TMEM259: variants seen among roughly 807,000 people sequenced by gnomAD.
The protein encoded by TMEM259 is membralin.
Under a neutral mutation model 46.7 loss-of-function variants are expected in TMEM259, and 26 were observed. The ratio of observed to expected loss-of-function variants is 0.56; its 90% confidence interval spans 0.41 to 0.77. TMEM259 has a LOEUF of 0.77. Among genes scored for constraint, TMEM259 ranks in the 30% least tolerant of loss-of-function variants. TMEM259 has a pLI of 0.00. For missense variants in TMEM259, 930 were observed against 900.5 expected (o/e 1.03, Z -0.42); for synonymous variants, 494 against 395.1 (o/e 1.25, Z -2.97).
At chr19:1,016,524 A>G (rs2039116167) in intron 1 of TMEM259, among the ~76,000 whole-genome samples, 1 of 152,350 alleles carries the variant, frequency 6.6e-6, no homozygotes, top group East Asian at 1.9e-4. Flanking sequence ...CAGGACAGCA[A>G]TGGACCCTGT....
At chr19:1,013,762 A>C in intron 2 of TMEM259, 1 of 276,030 alleles carries the variant, frequency 3.6e-6, no homozygotes, top group South Asian at 5.1e-5. Context: ...GCCCAAGGCC[A>C]CCACAAGCTG....
chr19:1,015,511 C>T (rs901462903), intron 1 of TMEM259, among the ~76,000 whole-genome samples: 1 of 152,194 alleles, frequency 6.6e-6, no homozygotes, highest in Non-Finnish European at 1.5e-5. Flanking sequence ...CACCGTCTGG[C>T]GGTTTGGCTG....
chr19:1,018,129 A>T (rs939725203), intron 1 of TMEM259, among the ~76,000 whole-genome samples: 1 of 152,186 alleles, frequency 6.6e-6, no homozygotes, highest in African/African-American at 2.4e-5. Flanking sequence ...CTGGGTCCAG[A>T]GCCCAACCGC....
intron 1 of TMEM259, among the ~76,000 whole-genome samples, chr19:1,015,852 T>C (rs1446824547): frequency 6.6e-6 from 1 of 152,028 alleles, no homozygotes; most frequent in East Asian, 1.9e-4. Flanking sequence ...TGGGGCCTCC[T>C]CTCCAGAACC....
intron 1 of TMEM259, among the ~76,000 whole-genome samples, chr19:1,015,334 T>A (rs2039073202): frequency 6.6e-6 from 1 of 151,994 alleles, no homozygotes; most frequent in Non-Finnish European, 1.5e-5. Flanking sequence ...TGGCATGGAG[T>A]GGGTGAGGCC....
Position 1,011,874 on chromosome 19 carries a change from C to A in TMEM259, c.942+18G>T, listed in dbSNP as rs2145570566. On this transcript the variant is annotated intron_variant, in intron 6 of 10. Transcript: ENST00000356663. ...GCTCCCGCCCGGCCAGCCCCCGCAC[C>A]CGCCCCGAGGCACTCACGAAGATGA... is the stretch of plus-strand genomic sequence containing the variant. 1 of 1,602,492 alleles carries A rather than the reference C, an allele frequency of 6.2e-7. No homozygotes were observed. Among genetic ancestry groups the A allele is most frequent in the Non-Finnish European group, 8.5e-7 (1 of 1,173,382 alleles).
At position 1,021,091 on chromosome 19, in the gene TMEM259, CT is replaced by C; in HGVS notation, c.-96del. The C allele has an allele frequency of 2.5e-6, 3 of 1,201,454 alleles. No homozygotes were observed. Among genetic ancestry groups the C allele is most frequent in the South Asian group, 4.6e-5 (2 of 43,458 alleles). 74.4% of individuals were successfully genotyped at this position (1,201,454 alleles called of 1,614,324 possible). A position where few individuals can be genotyped will look rare whatever the true frequency, so the allele number is the denominator to read the frequency against. ...TCGCAGCCGCCGCTCTCCTCACGGC[CT>C]CCCGGCCGCCGCCGCCATCTTCCGC... On this transcript the variant is annotated 5_prime_UTR_variant, in exon 1 of 11. An upstream open reading frame in the 5' UTR loses its in-frame stop. Transcript: ENST00000356663.
intron 1 of TMEM259, among the ~76,000 whole-genome samples, chr19:1,016,294 G>A (rs1054243204): frequency 2.4e-4 from 37 of 152,326 alleles, no homozygotes; most frequent in African/African-American, 8.2e-4. Flanking sequence ...GGGCAGCCCC[G>A]GAGCCTGAGA....
At chr19:1,017,038 A>G (rs986629504) in intron 1 of TMEM259, among the ~76,000 whole-genome samples, 2 of 152,022 alleles carry the variant, frequency 1.3e-5, no homozygotes, top group African/African-American at 4.8e-5. Context: ...GACCAGAAAA[A>G]TGCCCCACTG....
chr19:1,010,333 C>A lies in TMEM259; in HGVS notation c.*17G>T. 6.8e-7 allele frequency: 1 copy of A among 1,460,428 alleles called. No individual in the cohort carries two copies. The highest frequency in any genetic ancestry group is 9.0e-7 in the Non-Finnish European group (1 of 1,115,720). The allele number at this position is 1,460,428 out of a possible 1,614,324, so 90.5% of individuals were successfully genotyped here. A position where few individuals can be genotyped will look rare whatever the true frequency, so the allele number is the denominator to read the frequency against. On this transcript the variant is annotated 3_prime_UTR_variant, in exon 11 of 11. Transcript: ENST00000356663. Reference sequence around the variant, plus strand: ...AGGCCCAGCCAGCAGGGGTCAGAGGCGGCTCAGCTGTGCGGCTCAGGACCC... The same window carrying A: ...AGGCCCAGCCAGCAGGGGTCAGAGGAGGCTCAGCTGTGCGGCTCAGGACCC...
chr19:1,013,653 G>A, intron 2 of TMEM259: 1 of 322,598 alleles, frequency 3.1e-6, no homozygotes, highest in Non-Finnish European at 5.9e-6. Context: ...CTTGGGGTTG[G>A]CTCTGTGGGA....
chr19:1,012,115 G>A lies in TMEM259; in HGVS notation c.792C>T (p.Asp264=). The A allele has an allele frequency of 8.1e-6, 13 of 1,611,170 alleles. No homozygotes were observed. Among genetic ancestry groups the A allele is most frequent in the Non-Finnish European group, 1.1e-5 (13 of 1,179,166 alleles). The change falls in exon 5 of 11, where the codon GAC becomes GAT. Residue 264 remains aspartate (D), a synonymous_variant. Transcript: ENST00000356663. The stretch of plus-strand genomic sequence containing the variant: ...GGCCCTTCACGCTGGACATGAGGAT[G>A]TCATCGTAGCCCAGGAACTCATCCA... The part of the protein sequence containing the change: ...LLLDEFLGYD[D]ILMSSVKGLA...
chr19:1,013,475 G>A, intron 2 of TMEM259, 135 bp from the exon 3 acceptor site: 1 of 798,372 alleles, frequency 1.3e-6, no homozygotes. Flanking sequence ...GGCCAGGGTG[G>A]ACTACGTGTG....
At position 1,011,192 on chromosome 19, in the gene TMEM259, G is replaced by C; in HGVS notation, c.1221C>G (p.Phe407Leu). The change falls in exon 10 of 11, where the codon TTC becomes TTG. Residue 407 changes from phenylalanine to leucine, a missense_variant. Physicochemically the swap from Phe to Leu is conservative, Grantham distance 22. Coordinates refer to ENST00000356663, the MANE Select transcript of TMEM259 (RefSeq NM_001033026.2). ...TSTSKRHWLR[F>L]FYLYHFAFYA... ...AGAAGGCGAAGTGGTAGAGATAGAA[G>C]AACCTGCGGGGCGGGGTGAGGGCGT... 1 of 1,592,942 alleles carries C rather than the reference G, an allele frequency of 6.3e-7. No homozygotes were observed.
chr19:1,014,576 G>T, intron 1 of TMEM259, 103 bp from the exon 2 acceptor site: 1 of 1,336,756 alleles, frequency 7.5e-7, no homozygotes, highest in Non-Finnish European at 1.0e-6. Context: ...GGACGCCCAG[G>T]ACGGGGAAAG....
chr19:1,014,046 C>A, intron 2 of TMEM259, 146 bp downstream of exon 2: 6 of 1,043,904 alleles, frequency 5.7e-6, no homozygotes, highest in Non-Finnish European at 8.2e-6. Context: ...CAAAAGGCCA[C>A]GGCAGGCAGG....
Position 1,021,111 on chromosome 19 carries a change from C to T in TMEM259, c.-115G>A. ...ACGGCCTCCCGGCCGCCGCCGCCAT[C>T]TTCCGCTTTCTCGTCCGGCTGCGGC... is the stretch of plus-strand genomic sequence containing the variant. On this transcript the variant is annotated 5_prime_UTR_variant, in exon 1 of 11. Transcript: ENST00000356663. The T allele has an allele frequency of 1.8e-6, 2 of 1,139,594 alleles. No homozygotes were observed. The highest frequency in any genetic ancestry group is 2.2e-6 in the Non-Finnish European group (2 of 905,646). The allele number at this position is 1,139,594 out of a possible 1,614,324, so 70.6% of individuals were successfully genotyped here. A position where few individuals can be genotyped will look rare whatever the true frequency, so the allele number is the denominator to read the frequency against.
intron 1 of TMEM259, among the ~76,000 whole-genome samples, chr19:1,015,301 G>A (rs918724443): frequency 6.6e-6 from 1 of 152,198 alleles, no homozygotes; most frequent in African/African-American, 2.4e-5. Flanking sequence ...GACATCTGTG[G>A]TTGTCACAAT....
Position 1,017,570 on chromosome 19 carries a change from G to C in TMEM259, c.226-3097C>G, listed in dbSNP as rs182953270. 2.4e-3 allele frequency: 960 copies of C among 397,272 alleles called. 7 individuals are homozygous for C. Among genetic ancestry groups the C allele is most frequent in the African/African-American group, 0.018 (874 of 48,682 alleles). The allele number at this position is 397,272 out of a possible 1,614,324, so 24.6% of individuals were successfully genotyped here. Reference sequence around the variant, plus strand: ...CTTCCTCCGGGTCAGCCCACACACGGCTGCACCCACAGGAGCACCTCCCCC... The same window carrying C: ...CTTCCTCCGGGTCAGCCCACACACGCCTGCACCCACAGGAGCACCTCCCCC... On this transcript the variant is annotated intron_variant, in intron 1 of 10. Transcript: ENST00000356663.
Sources: allele counts gnomAD v4.1 joint callset (sites outside exome capture counted in the v4.1 genomes callset), GRCh38; gene constraint gnomAD v4.1.1; transcripts MANE v1.5; gene names NCBI Gene and HGNC (gene_info 2026-07-23, HGNC 2026-07-21).